Variants in WWTR1 observed in about 807,000 individuals in gnomAD.
WWTR1 encodes WW domain containing transcription regulator 1.
Under a neutral mutation model 40.1 loss-of-function variants are expected in WWTR1, and 13 were observed. The ratio of observed to expected loss-of-function variants is 0.32; its 90% CI spans 0.21 to 0.52. WWTR1 has a LOEUF of 0.52. Ranked by LOEUF, WWTR1 falls within the 20% of genes least tolerant of loss-of-function variation. WWTR1 has a pLI of 0.97. For missense variants in WWTR1, 436 were observed against 523.1 expected, an observed-to-expected ratio of 0.83 and a Z score of 1.63; for synonymous variants, 230 against 210.1, an observed-to-expected ratio of 1.09 and a Z score of -0.82.
chr3:149,639,201 A>G (rs1712013068), intron 2 of WWTR1, among the ~76,000 whole-genome samples: 1 of 152,156 alleles, frequency 6.6e-6, no homozygotes, highest in Admixed American at 6.5e-5. Context: ...GACTAAAATT[A>G]TCTTGGAAAA....
At chr3:149,664,104 T>A (rs1345774067) in intron 2 of WWTR1, among the ~76,000 whole-genome samples, 2 of 152,170 alleles carry the variant, frequency 1.3e-5, no homozygotes, top group Non-Finnish European at 2.9e-5. Flanking sequence ...TCAGCAAAGG[T>A]GTATGGTTAG....
upstream of WWTR1, among the ~76,000 whole-genome samples, chr3:149,661,736 T>G (rs1350669198): frequency 7.6e-4 from 114 of 150,262 alleles, no homozygotes; most frequent in South Asian, 2.1e-4. Flanking sequence ...AAATAAAGTT[T>G]TTTTTTTTTT....
At chr3:149,689,326 A>G (rs2864414) in intron 1 of WWTR1, among the ~76,000 whole-genome samples, 48,103 of 140,950 alleles carry the variant, frequency 0.34, 8,873 homozygotes, top group Middle Eastern at 0.53. Flanking sequence ...GGTTGCAGTG[A>G]GCTGAGATCA....
intron 2 of WWTR1, among the ~76,000 whole-genome samples, chr3:149,626,114 A>T (rs906413268): frequency 6.6e-6 from 1 of 152,226 alleles, no homozygotes; most frequent in Non-Finnish European, 1.5e-5. Flanking sequence ...CCAGGAAACA[A>T]AAACATCACA....
At chr3:149,641,136 T>C (rs1169476991) in intron 2 of WWTR1, among the ~76,000 whole-genome samples, 1 of 152,222 alleles carries the variant, frequency 6.6e-6, no homozygotes, top group East Asian at 1.9e-4. Flanking sequence ...TGGCAGACTT[T>C]ACTGTCACTG....
chr3:149,686,995 C>A (rs1714677435), intron 1 of WWTR1, among the ~76,000 whole-genome samples: 1 of 152,146 alleles, frequency 6.6e-6, no homozygotes, highest in African/African-American at 2.4e-5. Context: ...TTACCTTTTG[C>A]CCTCAGGAAT....
intron 2 of WWTR1, among the ~76,000 whole-genome samples, chr3:149,622,493 G>GAAA (rs879808551): frequency 0.02 from 2,635 of 131,186 alleles, 45 homozygotes; most frequent in East Asian, 0.086. Context: ...AAGGAAGGAA[G>GAAA]GAAGGAAGGA....
chr3:149,617,327 C>T (rs1299435426), intron 2 of WWTR1, among the ~76,000 whole-genome samples: 1 of 152,136 alleles, frequency 6.6e-6, no homozygotes, highest in African/African-American at 2.4e-5. Context: ...CTTCTGTCCC[C>T]ATCTCTCTCC....
At chr3:149,630,580 C>T (rs955722388) in intron 2 of WWTR1, among the ~76,000 whole-genome samples, 1 of 152,148 alleles carries the variant, frequency 6.6e-6, no homozygotes, top group Non-Finnish European at 1.5e-5. Flanking sequence ...ATAGTCTTGT[C>T]ACTTCATGTG....
chr3:149,676,125 G>A (rs1400115405), intron 1 of WWTR1, among the ~76,000 whole-genome samples: 1 of 151,996 alleles, frequency 6.6e-6, no homozygotes, highest in African/African-American at 2.4e-5. Flanking sequence ...GCGGAATCCA[G>A]CACCAGGGGG....
At chr3:149,657,708 G>C (rs1713334945) in intron 1 of WWTR1, 57 bp downstream of exon 1, 1 of 185,914 alleles carries the variant, frequency 5.4e-6, no homozygotes, top group South Asian at 1.2e-4. Context: ...GGAAGCCCGA[G>C]GAGCCTGGAG....
chr3:149,586,779 G>A (rs1197745247), intron 2 of WWTR1, among the ~76,000 whole-genome samples: 1 of 152,132 alleles, frequency 6.6e-6, no homozygotes, highest in African/African-American at 2.4e-5. Flanking sequence ...AGGGAAGAGG[G>A]GCTGAAGGAT....
intron 3 of WWTR1, among the ~76,000 whole-genome samples, chr3:149,567,712 C>A (rs1737397447): frequency 6.6e-6 from 1 of 152,212 alleles, no homozygotes; most frequent in South Asian, 2.1e-4. Context: ...GGTACCAAGA[C>A]ATGGACTACC....
chr3:149,586,389 A>G (rs1470644370), intron 2 of WWTR1, among the ~76,000 whole-genome samples: 1 of 151,980 alleles, frequency 6.6e-6, no homozygotes, highest in East Asian at 1.9e-4. Context: ...ATTCTGTAAC[A>G]CTCGCAAGAT....
chr3:149,541,663 G>A (rs945013866), intron 4 of WWTR1, among the ~76,000 whole-genome samples: 16 of 151,848 alleles, frequency 1.1e-4, no homozygotes, highest in African/African-American at 3.9e-4. Flanking sequence ...CTCCACGACC[G>A]TTTCCAGAGC....
intron 2 of WWTR1, among the ~76,000 whole-genome samples, chr3:149,643,933 G>C (rs1477037334): frequency 6.6e-6 from 1 of 151,792 alleles, no homozygotes; most frequent in Non-Finnish European, 1.5e-5. Context: ...CTCTTTACAG[G>C]GTCCATCAGT....
chr3:149,546,134 A>G (rs1216873445), intron 3 of WWTR1, among the ~76,000 whole-genome samples: 1 of 152,208 alleles, frequency 6.6e-6, no homozygotes, highest in African/African-American at 2.4e-5. Context: ...TACTTGAGAC[A>G]TTCACAGGAG....
chr3:149,608,586 A>C (rs1232568373), intron 2 of WWTR1, among the ~76,000 whole-genome samples: 1 of 151,902 alleles, frequency 6.6e-6, no homozygotes, highest in Non-Finnish European at 1.5e-5. Context: ...TGGGGGTTTC[A>C]CCATACTGGC....
intron 4 of WWTR1, among the ~76,000 whole-genome samples, chr3:149,717,749 G>A (rs1715646526): frequency 6.6e-6 from 1 of 152,118 alleles, no homozygotes; most frequent in South Asian, 2.1e-4. Flanking sequence ...AGTGAAGAAG[G>A]ATATTCTTGG....
Sources: gnomAD v4.1 joint callset for allele counts (sites outside exome capture counted in the v4.1 genomes callset) on GRCh38, gnomAD v4.1.1 for gene constraint, MANE v1.5 for transcripts, NCBI Gene and HGNC (gene_info 2026-07-23, HGNC 2026-07-21) for gene names.